The following AATF variants were observed in gnomAD, a reference collection of about 807,000 sequenced individuals.
The protein encoded by AATF is apoptosis antagonizing transcription factor.
A neutral mutation model predicts 63.7 loss-of-function variants in AATF; 48 were observed. The observed-to-expected ratio is 0.75, with a 90% CI of 0.60 to 0.96. AATF has a LOEUF of 0.96. Among genes scored for constraint, AATF ranks in the 40% least tolerant of loss-of-function variants. The pLI is 0.00. For missense variants in AATF, 639 were observed against 685.7 expected (o/e 0.93, Z 0.76); for synonymous variants, 258 against 247.7 (o/e 1.04, Z -0.39).
chr17:37,009,124 GTTTGGT>G lies in AATF; in HGVS notation c.1399-9877_1399-9872del, dbSNP rs1252334438. On this transcript the variant is annotated intron_variant, in intron 8 of 11. Coordinates refer to ENST00000619387, the MANE Select transcript of AATF (RefSeq NM_012138.4). ...ATAGTTAAATGGCTTTTTTGTTTTG[GTTTGGT>G]TTTTGGGTTTTGGTTTTTGAGATGG... 5.9e-5 allele frequency among the ~76,000 whole-genome samples: 9 copies of G among 151,796 alleles called. No individual in the cohort carries two copies. In the East Asian group the frequency reaches 1.7e-3, roughly 29 times the overall value.
intron 8 of AATF, among the ~76,000 whole-genome samples, chr17:37,011,103 G>A (rs897258805): frequency 6.6e-6 from 1 of 152,208 alleles, no homozygotes; most frequent in East Asian, 1.9e-4. Context: ...GGGTGTTGTG[G>A]CTTACGCCTG....
intron 4 of AATF, among the ~76,000 whole-genome samples, chr17:36,976,877 A>T (rs1025165607): frequency 6.6e-6 from 1 of 152,312 alleles, no homozygotes; most frequent in East Asian, 1.9e-4. Context: ...AATTTTCAGG[A>T]GAATGCATTG....
At chr17:37,054,381 G>A (rs551542858) in intron 11 of AATF, 2 of 152,332 alleles carry the variant, frequency 1.3e-5, no homozygotes, top group African/African-American at 4.8e-5. Flanking sequence ...AGGTAAAAAC[G>A]GTCACCAGCT....
intron 4 of AATF, among the ~76,000 whole-genome samples, chr17:36,958,294 C>T (rs746129839): frequency 1.6e-4 from 24 of 152,006 alleles, no homozygotes; most frequent in Non-Finnish European, 1.5e-5. Context: ...TCCTGGGTAG[C>T]TGGGACTACA....
chr17:37,050,485 C>T (rs145768346), intron 11 of AATF, among the ~76,000 whole-genome samples: 120 of 152,244 alleles, frequency 7.9e-4, no homozygotes, highest in African/African-American at 2.7e-3. Flanking sequence ...CAAAGACAAA[C>T]GTGAAAAAAG....
chr17:36,965,402 T>TA (rs1289154732), intron 4 of AATF, among the ~76,000 whole-genome samples: 1 of 152,194 alleles, frequency 6.6e-6, no homozygotes, highest in Admixed American at 6.5e-5. Context: ...GCCTTCCTCT[T>TA]ATAAGGACCC....
chr17:37,001,831 A>C (rs2071300559), intron 8 of AATF, among the ~76,000 whole-genome samples: 2 of 152,230 alleles, frequency 1.3e-5, no homozygotes, highest in South Asian at 4.1e-4. Context: ...GCAGTTAGGC[A>C]AGAAAAAGAA....
intron 11 of AATF, among the ~76,000 whole-genome samples, chr17:37,051,689 G>GACACAC (rs1447795733): frequency 8.4e-5 from 10 of 118,588 alleles, no homozygotes; most frequent in East Asian, 2.4e-4. Context: ...CAGACAGACA[G>GACACAC]ACAGACAGAC....
In AATF at chr17:36,986,612, C is replaced by T; in HGVS notation, c.833-5C>T. On this transcript the variant is annotated splice_region_variant and splice_polypyrimidine_tract_variant and intron_variant, in intron 4 of 11. Coordinates refer to ENST00000619387, the MANE Select transcript of AATF (RefSeq NM_012138.4). Reference sequence around the variant, plus strand: ...ATTGTCCTTTCTCTGTCCTTTATTTCCCAGGTCACAAGGCACTTAAAGCAT... The same window carrying T: ...ATTGTCCTTTCTCTGTCCTTTATTTTCCAGGTCACAAGGCACTTAAAGCAT... The T allele has an allele frequency of 1.9e-6, 3 of 1,610,908 alleles. No homozygotes were observed. The highest frequency in any genetic ancestry group is 1.7e-6 in the Non-Finnish European group (2 of 1,177,162).
At chr17:37,040,543 G>A (rs1038384081) in intron 11 of AATF, among the ~76,000 whole-genome samples, 10 of 151,920 alleles carry the variant, frequency 6.6e-5, no homozygotes, top group African/African-American at 2.4e-4. Context: ...TAAATAACTT[G>A]CCTAAGCTGA....
At chr17:36,990,985 G>A (rs1298014471) in intron 8 of AATF, 128 bp downstream of exon 8, 8 of 555,180 alleles carry the variant, frequency 1.4e-5, no homozygotes, top group African/African-American at 3.9e-5. Context: ...GAACTCCCGC[G>A]TTCAAAATTG....
chr17:37,033,441 T>C (rs745510946), intron 11 of AATF, among the ~76,000 whole-genome samples: 15 of 152,252 alleles, frequency 9.9e-5, no homozygotes, highest in Non-Finnish European at 1.9e-4. Context: ...CTTTTGATCA[T>C]AGTACTATGA....
At chr17:36,993,181 C>T (rs2071228792) in intron 8 of AATF, among the ~76,000 whole-genome samples, 1 of 152,186 alleles carries the variant, frequency 6.6e-6, no homozygotes, top group Non-Finnish European at 1.5e-5. Context: ...TTATCCTAGC[C>T]TCGTACATCA....
chr17:36,980,621 G>GT (rs902010381), intron 4 of AATF, among the ~76,000 whole-genome samples: 61 of 151,616 alleles, frequency 4.0e-4, no homozygotes, highest in African/African-American at 1.3e-3. Context: ...ATAGAGAGTG[G>GT]TTTTTTTTTA....
chr17:37,050,413 G>A (rs545164847), intron 11 of AATF, among the ~76,000 whole-genome samples: 85 of 152,278 alleles, frequency 5.6e-4, no homozygotes, highest in African/African-American at 2.0e-3. Context: ...TAGGTTTTGA[G>A]GCCAGGAATC....
At chr17:37,031,486 T>G in intron 10 of AATF, 128 bp from the exon 11 acceptor site, 1 of 768,090 alleles carries the variant, frequency 1.3e-6, no homozygotes, top group Non-Finnish European at 2.3e-6. Context: ...TATGAATTTT[T>G]CCCTATCCCA....
intron 5 of AATF, among the ~76,000 whole-genome samples, chr17:36,986,965 A>C (rs192720046): frequency 6.6e-6 from 1 of 152,252 alleles, no homozygotes; most frequent in African/African-American, 2.4e-5. Context: ...CCTTCTCTTT[A>C]GATCTATTGG....
intron 10 of AATF, chr17:37,031,352 C>G: frequency 2.0e-6 from 1 of 509,074 alleles, no homozygotes; most frequent in Non-Finnish European, 3.6e-6. Context: ...AAATACTATG[C>G]CATTTTATAT....
chr17:36,989,472 A>C, intron 7 of AATF, 61 bp downstream of exon 7: 1 of 1,480,540 alleles, frequency 6.8e-7, no homozygotes, highest in South Asian at 1.4e-5. Flanking sequence ...TTATTAGCTG[A>C]AAAACTTGTA....
Sources: allele counts gnomAD v4.1 joint callset (sites outside exome capture counted in the v4.1 genomes callset), GRCh38; gene constraint gnomAD v4.1.1; transcripts MANE v1.5; gene names NCBI Gene and HGNC (gene_info 2026-07-23, HGNC 2026-07-21).